The following CADM1 variants were observed in gnomAD, a reference collection of about 807,000 sequenced individuals.
CADM1 encodes the protein TSLC-1.
Under a neutral mutation model 53.1 loss-of-function variants are expected in CADM1, and 15 were observed. The ratio of observed to expected loss-of-function variants is 0.28; its 90% CI spans 0.19 to 0.44. The LOEUF (loss-of-function observed/expected upper bound fraction) is 0.44, where lower values mean the gene tolerates loss of function less well. Ranked by LOEUF, CADM1 falls within the 20% of genes least tolerant of loss-of-function variation. CADM1 has a pLI of 1.00. For missense variants in CADM1, 434 were observed against 611.3 expected, an observed-to-expected ratio of 0.71 and a Z score of 3.06; for synonymous variants, 281 against 243.0, an observed-to-expected ratio of 1.16 and a Z score of -1.45.
chr11:115,335,363 G>A (rs771535940), intron 1 of CADM1, among the ~76,000 whole-genome samples: 1 of 152,082 alleles, frequency 6.6e-6, no homozygotes, highest in Non-Finnish European at 1.5e-5. Flanking sequence ...TGGCTTAATA[G>A]AGAACAATTG....
At chr11:115,245,696 T>C (rs998402157) in intron 1 of CADM1, among the ~76,000 whole-genome samples, 6 of 152,196 alleles carry the variant, frequency 3.9e-5, no homozygotes, top group African/African-American at 1.2e-4. Context: ...AAAATTAAGA[T>C]TCTGCTGAAA....
At chr11:115,421,572 C>A (rs1306485017) in intron 1 of CADM1, among the ~76,000 whole-genome samples, 1 of 152,192 alleles carries the variant, frequency 6.6e-6, no homozygotes, top group Non-Finnish European at 1.5e-5. Context: ...ATGAACACTG[C>A]ATACAAAATG....
chr11:115,441,120 T>C (rs531964823), intron 1 of CADM1, among the ~76,000 whole-genome samples: 2 of 150,122 alleles, frequency 1.3e-5, no homozygotes, highest in African/African-American at 2.5e-5. Context: ...TTTTTTCTTC[T>C]GGGAAAAAAA....
intron 1 of CADM1, among the ~76,000 whole-genome samples, chr11:115,410,229 T>C (rs1947426044): frequency 6.6e-6 from 1 of 152,192 alleles, no homozygotes; most frequent in Admixed American, 6.5e-5. Flanking sequence ...CTATTACCCT[T>C]TTAAGACTCT....
At chr11:115,494,289 G>T (rs1204435392) in intron 1 of CADM1, among the ~76,000 whole-genome samples, 3 of 152,084 alleles carry the variant, frequency 2.0e-5, no homozygotes, top group Admixed American at 2.0e-4. Flanking sequence ...AGAACCTTCT[G>T]AAAGACAAAG....
intron 1 of CADM1, among the ~76,000 whole-genome samples, chr11:115,267,862 T>TG (rs1943188957): frequency 6.6e-6 from 1 of 151,330 alleles, no homozygotes; most frequent in Admixed American, 6.6e-5. Flanking sequence ...ACAGCCCCCT[T>TG]GGAGGTCAGA....
intron 1 of CADM1, among the ~76,000 whole-genome samples, chr11:115,447,288 TATTA>T (rs1251065994): frequency 2.0e-5 from 3 of 152,216 alleles, no homozygotes; most frequent in African/African-American, 7.2e-5. Context: ...ACCTGCCATT[TATTA>T]AGTATATGAC....
chr11:115,474,742 A>C (rs1041903388), intron 1 of CADM1, among the ~76,000 whole-genome samples: 3 of 151,326 alleles, frequency 2.0e-5, no homozygotes, highest in African/African-American at 7.3e-5. Context: ...AGATATACCT[A>C]ATGTAAATGA....
At chr11:115,446,039 G>C (rs1948443668) in intron 1 of CADM1, among the ~76,000 whole-genome samples, 1 of 152,136 alleles carries the variant, frequency 6.6e-6, no homozygotes, top group African/African-American at 2.4e-5. Flanking sequence ...CTAAGTGCCT[G>C]TTAGATATCT....
At chr11:115,258,168 C>G (rs560338520) in intron 1 of CADM1, among the ~76,000 whole-genome samples, 2 of 152,238 alleles carry the variant, frequency 1.3e-5, no homozygotes, top group African/African-American at 2.4e-5. Flanking sequence ...ATGGCCAGAT[C>G]GTGTCCTTTC....
intron 1 of CADM1, among the ~76,000 whole-genome samples, chr11:115,461,770 T>C (rs1028197137): frequency 6.6e-5 from 10 of 152,126 alleles, no homozygotes; most frequent in African/African-American, 2.4e-4. Flanking sequence ...GGAAGTGAGA[T>C]AGTGAATAGT....
At chr11:115,410,954 C>T (rs1947446375) in intron 1 of CADM1, among the ~76,000 whole-genome samples, 1 of 152,096 alleles carries the variant, frequency 6.6e-6, no homozygotes, top group Non-Finnish European at 1.5e-5. Context: ...AATGAAAAAG[C>T]ATATATACCC....
At position 115,458,863 on chromosome 11, in the gene CADM1, C is replaced by A. The variant is rs530714942; in HGVS notation, c.124+45408G>T. The stretch of plus-strand genomic sequence containing the variant: ...TTCTAAGTTAAGGCATACATCCTCA[C>A]AAAGATCTAATAGATTTTTTAAATT... On this transcript the variant is annotated intron_variant, in intron 1 of 11. Coordinates refer to ENST00000331581, the MANE Select transcript of CADM1 (RefSeq NM_001301043.2). Among the ~76,000 whole-genome samples, 90 of 152,236 alleles carry A rather than the reference C, an allele frequency of 5.9e-4. 1 individual carries two copies. Among genetic ancestry groups the A allele is most frequent in the African/African-American group, 2.1e-3 (87 of 41,540 alleles).
intron 1 of CADM1, among the ~76,000 whole-genome samples, chr11:115,401,145 T>C (rs1340816085): frequency 6.6e-6 from 1 of 152,074 alleles, no homozygotes; most frequent in Non-Finnish European, 1.5e-5. Context: ...ACACAGACAA[T>C]AGAATAGTAT....
chr11:115,228,980 T>A, intron 5 of CADM1, 133 bp downstream of exon 5: 1 of 874,552 alleles, frequency 1.1e-6, no homozygotes, highest in Admixed American at 2.1e-5. Context: ...AATAAAATAA[T>A]CCTTTATTTT....
Position 115,176,312 on chromosome 11 carries a change from A to T in CADM1, c.*162T>A, listed in dbSNP as rs1052810983. ...CAGCAGAGTGTACTTTCCAAAGAACATTTTTTTTTTTTTTACACAGCAAAT... is the reference window on the plus strand; with the variant it reads ...CAGCAGAGTGTACTTTCCAAAGAACTTTTTTTTTTTTTTTACACAGCAAAT... On this transcript the variant is annotated 3_prime_UTR_variant, in exon 12 of 12. Coordinates refer to ENST00000331581, the MANE Select transcript of CADM1 (RefSeq NM_001301043.2). 5.4e-5 allele frequency: 71 copies of T among 1,309,740 alleles called. No homozygotes were observed. Among genetic ancestry groups the T allele is most frequent in the African/African-American group, 1.4e-4 (9 of 65,126 alleles). 81.1% of individuals were successfully genotyped at this position (1,309,740 alleles called of 1,614,324 possible). A position where few individuals can be genotyped will look rare whatever the true frequency, so the allele number is the denominator to read the frequency against.
At chr11:115,191,246 G>T (rs1939842336) in intron 9 of CADM1, among the ~76,000 whole-genome samples, 1 of 152,188 alleles carries the variant, frequency 6.6e-6, no homozygotes, top group Admixed American at 6.5e-5. Context: ...AAGCCTGATT[G>T]TTAGCTGTCG....
intron 1 of CADM1, among the ~76,000 whole-genome samples, chr11:115,316,474 C>T (rs1056560526): frequency 6.6e-6 from 1 of 152,046 alleles, no homozygotes; most frequent in East Asian, 1.9e-4. Flanking sequence ...GTGATAGTTC[C>T]GAGGCGGAAT....
intron 1 of CADM1, among the ~76,000 whole-genome samples, chr11:115,401,011 G>A (rs1332062221): frequency 6.6e-6 from 1 of 152,014 alleles, no homozygotes; most frequent in Non-Finnish European, 1.5e-5. Context: ...CCCAAGAGTT[G>A]AAAACTTATG....
Sources: gnomAD v4.1 joint callset for allele counts (sites outside exome capture counted in the v4.1 genomes callset) on GRCh38, gnomAD v4.1.1 for gene constraint, MANE v1.5 for transcripts, NCBI Gene and HGNC (gene_info 2026-07-23, HGNC 2026-07-21) for gene names.